GIPC2: variants seen among roughly 807,000 people sequenced by gnomAD.
GIPC2 encodes the protein GIPC PDZ domain containing family member 2.
GIPC2 carries 30 observed loss-of-function variants against 30.6 expected under a neutral mutation model. The ratio of observed to expected loss-of-function variants is 0.98; its 90% CI spans 0.73 to 1.33. The LOEUF (loss-of-function observed/expected upper bound fraction) is 1.33. GIPC2 is among the 40% of genes most tolerant of loss of function. The probability of loss-of-function intolerance (pLI) is 0.00; values close to 1 mark genes in which losing one functional copy is unlikely to be tolerated. For synonymous variants in GIPC2, 167 were observed against 150.0 expected (o/e 1.11, Z -0.83); for missense variants, 414 against 390.3 (o/e 1.06, Z -0.51).
rs753602542 is a variant in GIPC2, at chr1:78,046,160, C to A, written c.66C>A (p.Gly22=). ...AGGAGACCGCCGGGCTGGTGGAGGGCGAGCCGACGGGCGCGGGCGGCGGGA... is the reference window on the plus strand; with the variant it reads ...AGGAGACCGCCGGGCTGGTGGAGGGAGAGCCGACGGGCGCGGGCGGCGGGA... ...KSKETAGLVE[G]EPTGAGGGSL... is the part of the protein sequence containing the mutation. Residue 22 remains glycine, a synonymous_variant, in exon 1 of 6, where the codon GGC becomes GGA. Transcript: ENST00000370759. 6.4e-6 allele frequency: 10 copies of A among 1,551,794 alleles called. No homozygotes were observed. In the East Asian group the frequency reaches 2.2e-4, roughly 34 times the overall value.
chr1:78,067,847 C>G (rs982367004), intron 1 of GIPC2, among the ~76,000 whole-genome samples: 4 of 152,190 alleles, frequency 2.6e-5, no homozygotes, highest in African/African-American at 4.8e-5. Flanking sequence ...AATTTAATGT[C>G]TATCTCTGTA....
intron 1 of GIPC2, among the ~76,000 whole-genome samples, chr1:78,065,789 T>C (rs1661495791): frequency 1.3e-5 from 2 of 152,046 alleles, no homozygotes; most frequent in Admixed American, 6.6e-5. Flanking sequence ...ACAAAAACAA[T>C]AGGGAAAGGA....
intron 5 of GIPC2, among the ~76,000 whole-genome samples, chr1:78,134,338 G>T (rs1017719579): frequency 1.4e-5 from 2 of 140,666 alleles, no homozygotes; most frequent in Non-Finnish European, 3.1e-5. Context: ...GTGTATGTGT[G>T]TATGTATGTG....
intron 5 of GIPC2, among the ~76,000 whole-genome samples, chr1:78,127,758 T>A (rs1238199101): frequency 6.6e-6 from 1 of 152,186 alleles, no homozygotes; most frequent in Non-Finnish European, 1.5e-5. Flanking sequence ...GGCACAATCA[T>A]AGCTCACTGC....
chr1:78,069,269 GA>G (rs1373065158), intron 1 of GIPC2: 1 of 181,600 alleles, frequency 5.5e-6, no homozygotes, highest in African/African-American at 2.4e-5. Context: ...TGAAAAGCCT[GA>G]ACCTAGAAGA....
intron 3 of GIPC2, among the ~76,000 whole-genome samples, chr1:78,100,188 A>G (rs1662215585): frequency 6.6e-6 from 1 of 152,232 alleles, no homozygotes; most frequent in South Asian, 2.1e-4. Flanking sequence ...GTAGGCATGA[A>G]GAGAAGAGAA....
At chr1:78,104,182 A>AGGGGGGGGGG (rs150902349) in intron 3 of GIPC2, among the ~76,000 whole-genome samples, 15 of 143,518 alleles carry the variant, frequency 1.0e-4, no homozygotes, top group African/African-American at 3.8e-4. Context: ...TAGAGGGGGG[A>AGGGGGGGGGG]GAGGGGGCCG....
At chr1:78,115,881 A>G (rs1662558510) in intron 3 of GIPC2, among the ~76,000 whole-genome samples, 1 of 152,234 alleles carries the variant, frequency 6.6e-6, no homozygotes. Flanking sequence ...GGTCAAAATT[A>G]ATATGCAAAA....
chr1:78,067,062 T>A (rs1296951830), intron 1 of GIPC2, among the ~76,000 whole-genome samples: 2 of 152,182 alleles, frequency 1.3e-5, no homozygotes, highest in African/African-American at 4.8e-5. Context: ...AGTAGCGATT[T>A]TAGAAAAATT....
At chr1:78,051,569 G>A (rs1048307947) in intron 1 of GIPC2, among the ~76,000 whole-genome samples, 8 of 151,496 alleles carry the variant, frequency 5.3e-5, no homozygotes, top group Non-Finnish European at 1.5e-5. Context: ...GTGTGATCTC[G>A]GCTCACTGCA....
chr1:78,116,125 T>C (rs915140745), intron 3 of GIPC2, among the ~76,000 whole-genome samples: 1 of 152,192 alleles, frequency 6.6e-6, no homozygotes, highest in Non-Finnish European at 1.5e-5. Flanking sequence ...GCATGTCTTA[T>C]ATGGCAACAG....
At chr1:78,126,955 A>G (rs953865146) in intron 5 of GIPC2, among the ~76,000 whole-genome samples, 1 of 152,190 alleles carries the variant, frequency 6.6e-6, no homozygotes, top group Non-Finnish European at 1.5e-5. Context: ...AAGGGTCAAG[A>G]GTGTGAAAAA....
chr1:78,053,745 TAAAAAAAAAA>T (rs11384461), intron 1 of GIPC2, among the ~76,000 whole-genome samples: 1 of 88,680 alleles, frequency 1.1e-5, no homozygotes, highest in Non-Finnish European at 2.0e-5. Flanking sequence ...CCCTGCCTCT[TAAAAAAAAAA>T]AAAAAAAAAA....
At chr1:78,088,910 A>G (rs986239490) in intron 2 of GIPC2, 19 of 151,600 alleles carry the variant, frequency 1.3e-4, no homozygotes, top group African/African-American at 4.6e-4. Context: ...CTATCCCATT[A>G]CTTTTCCACA....
intron 4 of GIPC2, 47 bp downstream of exon 4, chr1:78,119,546 T>C: frequency 8.5e-7 from 1 of 1,174,508 alleles, no homozygotes; most frequent in Non-Finnish European, 1.3e-6. Context: ...AATGTTGAGT[T>C]AGATAAAATT....
At chr1:78,119,547 A>G (rs377606034) in intron 4 of GIPC2, 48 bp downstream of exon 4, 1 of 1,176,732 alleles carries the variant, frequency 8.5e-7, no homozygotes, top group Non-Finnish European at 1.3e-6. Flanking sequence ...ATGTTGAGTT[A>G]GATAAAATTC....
At chr1:78,131,980 A>G (rs1020362691) in intron 5 of GIPC2, among the ~76,000 whole-genome samples, 3 of 152,178 alleles carry the variant, frequency 2.0e-5, no homozygotes, top group Admixed American at 6.5e-5. Flanking sequence ...GGCAGATACC[A>G]TATCTTGCTC....
intron 3 of GIPC2, among the ~76,000 whole-genome samples, chr1:78,100,585 A>T (rs957609511): frequency 1.3e-5 from 2 of 152,292 alleles, no homozygotes; most frequent in East Asian, 3.9e-4. Context: ...GAAATTATAA[A>T]TACAATTTTG....
intron 1 of GIPC2, among the ~76,000 whole-genome samples, chr1:78,073,648 T>C (rs2100331420): frequency 6.6e-6 from 1 of 152,310 alleles, no homozygotes; most frequent in South Asian, 2.1e-4. Flanking sequence ...TCAGTTCCTG[T>C]TTAAGGAAGG....
Sources: gnomAD v4.1 joint callset for allele counts (sites outside exome capture counted in the v4.1 genomes callset) on GRCh38, gnomAD v4.1.1 for gene constraint, MANE v1.5 for transcripts, NCBI Gene and HGNC (gene_info 2026-07-23, HGNC 2026-07-21) for gene names.